RNF169: variants seen among roughly 807,000 people sequenced by gnomAD.
RNF169 encodes E3 ubiquitin-protein ligase RNF169.
Under a neutral mutation model 53.9 loss-of-function variants are expected in RNF169, and 24 were observed. That is an observed-to-expected ratio of 0.45 (90% CI 0.32 to 0.63). The LOEUF is 0.63. RNF169 is among the 20% of genes least tolerant of loss of function. RNF169 has a pLI of 0.04. For synonymous variants in RNF169, 396 were observed against 363.5 expected, an observed-to-expected ratio of 1.09 and a Z score of -1.02; for missense variants, 883 against 906.2, an observed-to-expected ratio of 0.97 and a Z score of 0.33.
intron 1 of RNF169, among the ~76,000 whole-genome samples, chr11:74,771,013 G>T (rs1360184123): frequency 3.3e-5 from 5 of 151,922 alleles, no homozygotes; most frequent in Non-Finnish European, 7.4e-5. Flanking sequence ...CACCGTGTTG[G>T]CCAGGCTGGT....
chr11:74,809,201 A>G lies in RNF169; in HGVS notation c.577-983A>G, dbSNP rs76611295. Reference sequence around the variant, plus strand: ...CTTTAGCTTAATTTTTTTCTTAAGAATAATTAAAAATATTAGTAGCCTATA... The same window carrying G: ...CTTTAGCTTAATTTTTTTCTTAAGAGTAATTAAAAATATTAGTAGCCTATA... On this transcript the variant is annotated intron_variant, in intron 2 of 5. Transcript: ENST00000299563. Among the ~76,000 whole-genome samples, 942 of 152,262 alleles carry G rather than the reference A, an allele frequency of 6.2e-3. 4 individuals carry two copies. The highest frequency in any genetic ancestry group is 0.01 in the Non-Finnish European group (692 of 68,030).
chr11:74,786,913 A>G (rs569331785), intron 1 of RNF169, among the ~76,000 whole-genome samples: 11 of 152,356 alleles, frequency 7.2e-5, no homozygotes, highest in African/African-American at 2.6e-4. Context: ...TTTTGGAGAA[A>G]GCAAATTCTC....
At chr11:74,752,469 C>G (rs147580886) in intron 1 of RNF169, among the ~76,000 whole-genome samples, 1 of 151,622 alleles carries the variant, frequency 6.6e-6, no homozygotes, top group Non-Finnish European at 1.5e-5. Flanking sequence ...CGGTGGCACA[C>G]GCCTGTAGTT....
intron 2 of RNF169, among the ~76,000 whole-genome samples, chr11:74,796,522 T>C (rs778306347): frequency 2.0e-5 from 3 of 152,262 alleles, no homozygotes; most frequent in Non-Finnish European, 2.9e-5. Context: ...AAGCTTATTA[T>C]ATACACCATT....
At position 74,784,527 on chromosome 11, in the gene RNF169, G is replaced by T. The variant is rs182829235; in HGVS notation, c.503-5099G>T. Among the ~76,000 whole-genome samples the T allele has an allele frequency of 2.0e-5, 3 of 152,372 alleles. No homozygotes were observed. The East Asian group carries it at 5.8e-4, about 29-fold the overall frequency. ...CAAGCTTCTGAAGTCCTCTCTCAGT[G>T]GAGGCACACAAGGTGTGCTTAATAC... On this transcript the variant is annotated intron_variant, in intron 1 of 5. Coordinates refer to ENST00000299563, the MANE Select transcript of RNF169 (RefSeq NM_001098638.2).
At chr11:74,802,789 T>C (rs985331171) in intron 2 of RNF169, among the ~76,000 whole-genome samples, 2 of 152,128 alleles carry the variant, frequency 1.3e-5, no homozygotes, top group African/African-American at 4.8e-5. Context: ...ACTGAGCTTA[T>C]TGAACACAGA....
chr11:74,815,111 A>G (rs1390629928), intron 3 of RNF169, among the ~76,000 whole-genome samples: 3 of 151,982 alleles, frequency 2.0e-5, no homozygotes, highest in Non-Finnish European at 4.4e-5. Context: ...GCTTTGTACC[A>G]TTTTAGGAAT....
intron 1 of RNF169, among the ~76,000 whole-genome samples, chr11:74,780,274 A>G (rs577483648): frequency 9.9e-5 from 15 of 152,120 alleles, no homozygotes; most frequent in Admixed American, 5.2e-4. Context: ...AATGCTCTCT[A>G]CTTTTGTTTT....
At chr11:74,789,115 G>C (rs1242909684) in intron 1 of RNF169, among the ~76,000 whole-genome samples, 1 of 152,146 alleles carries the variant, frequency 6.6e-6, no homozygotes, top group East Asian at 1.9e-4. Flanking sequence ...CCAAACCTAG[G>C]GTCTAACAAT....
In RNF169 at chr11:74,810,287, A is replaced by G; in HGVS notation, c.680A>G (p.Lys227Arg). The part of the protein sequence containing the change: ...ETGKRKMDEQ[K>R]KRDEPLVLKT... The stretch of plus-strand genomic sequence containing the variant: ...GGGAAAAGGAAAATGGATGAACAGA[A>G]AAAAAGAGATGAACCATTAGTACTG... Residue 227 changes from lysine to arginine, a missense_variant, in exon 3 of 6, where the codon AAA (lysine) becomes AGA (arginine). By Grantham distance (26) the Lys-to-Arg change is conservative. Coordinates refer to ENST00000299563, the MANE Select transcript of RNF169 (RefSeq NM_001098638.2). The G allele has an allele frequency of 6.2e-7, 1 of 1,613,984 alleles. No individual in the cohort carries two copies. Among genetic ancestry groups the G allele is most frequent in the Non-Finnish European group, 8.5e-7 (1 of 1,179,928 alleles).
At chr11:74,762,082 C>A (rs1414731923) in intron 1 of RNF169, among the ~76,000 whole-genome samples, 9 of 144,524 alleles carry the variant, frequency 6.2e-5, no homozygotes, top group African/African-American at 2.4e-4. Context: ...ACCCTTTCTT[C>A]CAGTTGATCG....
chr11:74,798,787 C>T (rs1828225381), intron 2 of RNF169, among the ~76,000 whole-genome samples: 1 of 152,086 alleles, frequency 6.6e-6, no homozygotes. Flanking sequence ...TGTACTCTGT[C>T]CCTTTATTTC....
intron 1 of RNF169, among the ~76,000 whole-genome samples, chr11:74,768,802 T>C (rs760857835): frequency 1.8e-4 from 28 of 152,004 alleles, no homozygotes; most frequent in Non-Finnish European, 2.5e-4. Context: ...CCCAGGACTT[T>C]GGGAGGTTGA....
chr11:74,753,258 C>G (rs1238631643), intron 1 of RNF169, among the ~76,000 whole-genome samples: 3 of 152,158 alleles, frequency 2.0e-5, no homozygotes, highest in Non-Finnish European at 4.4e-5. Flanking sequence ...GGTGAGCCAC[C>G]GCGCCCAGCC....
chr11:74,785,379 C>T (rs1218433062), intron 1 of RNF169, among the ~76,000 whole-genome samples: 1 of 148,268 alleles, frequency 6.7e-6, no homozygotes, highest in Non-Finnish European at 1.5e-5. Context: ...TTTCTAAATA[C>T]TCTCGCTTAA....
intron 4 of RNF169, among the ~76,000 whole-genome samples, chr11:74,823,990 T>G (rs1403355611): frequency 1.3e-5 from 2 of 151,848 alleles, no homozygotes. Flanking sequence ...ATATTCAAAA[T>G]GCAAAAAATA....
intron 1 of RNF169, among the ~76,000 whole-genome samples, chr11:74,775,944 A>G (rs539207642): frequency 4.0e-4 from 61 of 152,324 alleles, no homozygotes; most frequent in African/African-American, 1.3e-3. Flanking sequence ...AAAAATTCCT[A>G]AAAAGCTGGA....
chr11:74,780,164 C>T (rs1230534879), intron 1 of RNF169, among the ~76,000 whole-genome samples: 3 of 152,086 alleles, frequency 2.0e-5, no homozygotes, highest in African/African-American at 2.4e-5. Flanking sequence ...GTTGTTTCAC[C>T]CAAGTATGTT....
chr11:74,778,481 C>T (rs2035368738), intron 1 of RNF169, among the ~76,000 whole-genome samples: 1 of 152,086 alleles, frequency 6.6e-6, no homozygotes, highest in Non-Finnish European at 1.5e-5. Context: ...TATACTTAAT[C>T]TGGTGATGTT....
Sources: allele counts gnomAD v4.1 joint callset (sites outside exome capture counted in the v4.1 genomes callset), GRCh38; gene constraint gnomAD v4.1.1; transcripts MANE v1.5; gene names NCBI Gene and HGNC (gene_info 2026-07-23, HGNC 2026-07-21).